The following HID1 variants were observed in gnomAD, a reference collection of about 807,000 sequenced individuals.
The protein encoded by HID1 is HID1 domain containing.
Under a neutral mutation model 89.7 loss-of-function variants are expected in HID1, and 42 were observed. The observed-to-expected ratio is 0.47, with a 90% CI of 0.37 to 0.61. The LOEUF (loss-of-function observed/expected upper bound fraction) is 0.61. Ranked by LOEUF, HID1 falls within the 20% of genes least tolerant of loss-of-function variation. The probability of loss-of-function intolerance (pLI) is 0.00; values close to 1 mark genes in which losing one functional copy is unlikely to be tolerated. For missense variants in HID1, 854 were observed against 1,039.3 expected (o/e 0.82, Z 2.45); for synonymous variants, 442 against 433.8 (o/e 1.02, Z -0.24).
chr17:74,956,209 A>C (rs1216361903), intron 12 of HID1, among the ~76,000 whole-genome samples: 1 of 151,690 alleles, frequency 6.6e-6, no homozygotes, highest in Non-Finnish European at 1.5e-5. Context: ...TACACATCCC[A>C]CCCATGCCAG....
Position 74,959,844 on chromosome 17 carries a change from C to A in HID1, c.1008+37G>T. 6.2e-7 allele frequency: 1 copy of A among 1,609,462 alleles called. No individual in the cohort carries two copies. The highest frequency in any genetic ancestry group is 8.5e-7 in the Non-Finnish European group (1 of 1,176,372). On this transcript the variant is annotated intron_variant, in intron 8 of 18. Coordinates refer to ENST00000425042, the MANE Select transcript of HID1 (RefSeq NM_030630.3). The surrounding 1 kb of genome is among the most constrained non-coding windows in gnomAD (Gnocchi z 4.6). ...ATATCCCTGTCTCACTTGCATCCCC[C>A]TGCACCCTGCAAAGCCACTGTGGGG...
rs1180789030 is a variant in HID1, at chr17:74,951,941, C to A, written c.2267G>T (p.Trp756Leu). 7.1e-6 allele frequency: 11 copies of A among 1,556,818 alleles called. No homozygotes were observed. Among genetic ancestry groups the A allele is most frequent in the Non-Finnish European group, 9.6e-6 (11 of 1,151,202 alleles). The change falls in exon 18 of 19, where the codon TGG becomes TTG. Residue 756 changes from tryptophan (W) to leucine (L), a missense_variant. Coordinates refer to ENST00000425042, the MANE Select transcript of HID1 (RefSeq NM_030630.3). ...GACGCCCCACATGTAGGTGCGGAAC[C>A]ACATGGCAGTGCCCGAGTTGGCCTG... ...KYQANSGTAM[W>L]FRTYMWGVIY...
At position 74,960,764 on chromosome 17, in the gene HID1, G is replaced by A. The variant is rs116254327; in HGVS notation, c.729-516C>T. Among the ~76,000 whole-genome samples the A allele has an allele frequency of 3.9e-3, 587 of 152,328 alleles. 4 individuals are homozygous for A. The highest frequency in any genetic ancestry group is 0.013 in the African/African-American group (549 of 41,572). ...CCTTCTCTTCTGGAGTAGGGTGGAA[G>A]GTTGAACAGAAGGCTAGGAAACCTG... On this transcript the variant is annotated intron_variant, in intron 6 of 18. Transcript: ENST00000425042.
Position 74,951,581 on chromosome 17 carries a change from G to A in HID1, c.2356C>T (p.Gln786Ter), listed in dbSNP as rs747486734. 1.2e-6 allele frequency: 2 copies of A among 1,612,060 alleles called. No individual in the cohort carries two copies. The highest frequency in any genetic ancestry group is 2.2e-5 in the South Asian group (2 of 90,396). ...CGTCGGCTTCATCCTCACACCCGCT[G>A]TATCTCAAACAGCTTCACGTCGGTG... The part of the protein sequence containing the change: ...YDTDVKLFEI[Q>*]RV The change falls in exon 19 of 19, where the codon CAG becomes TAG. Residue 786 changes from glutamine to a stop codon, truncating the protein, a stop_gained. Coordinates refer to ENST00000425042, the MANE Select transcript of HID1 (RefSeq NM_030630.3). LOFTEE classifies it high-confidence loss of function.
chr17:74,953,116 G>T, intron 15 of HID1, 30 bp from the exon 16 acceptor site: 2 of 1,536,758 alleles, frequency 1.3e-6, no homozygotes, highest in Non-Finnish European at 1.8e-6. Flanking sequence ...AGGGGTGAGG[G>T]ATGGTGGCGG....
chr17:74,957,448 G>T (rs1369391539), intron 12 of HID1, among the ~76,000 whole-genome samples: 1 of 151,938 alleles, frequency 6.6e-6, no homozygotes, highest in Non-Finnish European at 1.5e-5. Context: ...CTGCACTCTA[G>T]CCTGAGCAAC....
intron 1 of HID1, among the ~76,000 whole-genome samples, chr17:74,968,949 C>T (rs975475357): frequency 2.6e-5 from 4 of 152,214 alleles, no homozygotes; most frequent in African/African-American, 9.6e-5. Flanking sequence ...CAGATCTCAG[C>T]CTTGAACTTT....
intron 1 of HID1, among the ~76,000 whole-genome samples, chr17:74,971,080 G>T (rs73995706): frequency 0.019 from 2,888 of 152,306 alleles, 79 homozygotes; most frequent in African/African-American, 0.065. Context: ...TGGGGAAAAG[G>T]CCTGAGCAGG....
At position 74,958,929 on chromosome 17, in the gene HID1, C is replaced by A; in HGVS notation, c.1131G>T (p.Lys377Asn). The A allele has an allele frequency of 6.3e-7, 1 of 1,597,342 alleles. No individual in the cohort carries two copies. The highest frequency in any genetic ancestry group is 8.5e-7 in the Non-Finnish European group (1 of 1,173,852). ...GGCCCACCTTGTTGAAGTCGCAGAGCTTCCAGAAGAGAACTAGCAGCTCCT... is the reference window on the plus strand; with the variant it reads ...GGCCCACCTTGTTGAAGTCGCAGAGATTCCAGAAGAGAACTAGCAGCTCCT... ...FHQELLVLFWKLCDFNKKFLF... is the reference protein window; with the variant it reads ...FHQELLVLFWNLCDFNKKFLF... The change falls in exon 9 of 19, where the codon AAG becomes AAT. Residue 377 changes from lysine (K) to asparagine (N), a missense_variant. Coordinates refer to ENST00000425042, the MANE Select transcript of HID1 (RefSeq NM_030630.3). This position sits in a 1 kb window ranked among gnomAD's most constrained non-coding sequence, Gnocchi z 5.2.
intron 6 of HID1, 118 bp downstream of exon 6, chr17:74,961,755 A>G (rs565936216): frequency 2.1e-5 from 11 of 516,844 alleles, no homozygotes; most frequent in Admixed American, 1.4e-4. Flanking sequence ...GTTAAAGTTC[A>G]TCACCACCAG....
chr17:74,963,763 C>G lies in HID1; in HGVS notation c.364G>C (p.Val122Leu). 1 of 1,612,752 alleles carries G rather than the reference C, an allele frequency of 6.2e-7. No individual in the cohort carries two copies. The highest frequency in any genetic ancestry group is 8.5e-7 in the Non-Finnish European group (1 of 1,179,452). Residue 122 changes from valine to leucine, a missense_variant, in exon 3 of 19, where the codon GTG becomes CTG. Physicochemically the swap from Val to Leu is conservative, Grantham distance 32 (BLOSUM62 1). Transcript: ENST00000425042. The stretch of plus-strand genomic sequence containing the variant: ...ACCCCTCCTCGCCCTGCCCCGGGCA[C>G]TGTGGACCAGAAGAAGCCCCTCCAG... ...PDWRGFFWSTVPGAGRGGQGE... is the reference protein window; with the variant it reads ...PDWRGFFWSTLPGAGRGGQGE...
intron 17 of HID1, 60 bp downstream of exon 17, chr17:74,952,209 G>A (rs2039313235): frequency 3.2e-6 from 5 of 1,538,730 alleles, no homozygotes; most frequent in Non-Finnish European, 4.5e-6. Context: ...CCACACCACC[G>A]GCCCCGCCCA....
chr17:74,954,042 T>C, intron 14 of HID1, 96 bp downstream of exon 14: 1 of 1,191,476 alleles, frequency 8.4e-7, no homozygotes, highest in African/African-American at 1.5e-5. Context: ...ACATAAGCCA[T>C]GCTCTTTGCC....
At position 74,964,735 on chromosome 17, in the gene HID1, C is replaced by G. The variant is rs140769484; in HGVS notation, c.67-103G>C. The G allele has an allele frequency of 4.3e-3, 5,287 of 1,233,592 alleles. 23 individuals are homozygous for G. Among genetic ancestry groups the G allele is most frequent in the Non-Finnish European group, 5.1e-3 (4,599 of 894,130 alleles). 76.4% of individuals were successfully genotyped at this position (1,233,592 alleles called of 1,614,324 possible). On this transcript the variant is annotated intron_variant, in intron 1 of 18. Coordinates refer to ENST00000425042, the MANE Select transcript of HID1 (RefSeq NM_030630.3). ...GAGACCCTGAGAGGGAAGCCAGAGTCCCCCTACCTGCTGGGGTCCCAGAGC... is the reference window on the plus strand; with the variant it reads ...GAGACCCTGAGAGGGAAGCCAGAGTGCCCCTACCTGCTGGGGTCCCAGAGC...
intron 1 of HID1, among the ~76,000 whole-genome samples, chr17:74,968,413 T>C (rs2039594451): frequency 6.6e-6 from 1 of 151,216 alleles, no homozygotes; most frequent in African/African-American, 2.4e-5. Context: ...AAACTCAGAG[T>C]TGGGGTCGCA....
At position 74,960,185 on chromosome 17, in the gene HID1, G is replaced by A. The variant is rs144217591; in HGVS notation, c.792C>T (p.Tyr264=). The stretch of plus-strand genomic sequence containing the variant: ...AGAGCAGGTGGTTGTAGGGGATCCC[G>A]TAGCCCACAGGGTCATAGGCACACA... ...NTVCAYDPVG[Y]GIPYNHLLFS... is the part of the protein sequence containing the mutation. The change falls in exon 7 of 19, where the codon TAC becomes TAT. Residue 264 remains tyrosine, a synonymous_variant. Transcript: ENST00000425042. 4.1e-4 allele frequency: 660 copies of A among 1,613,790 alleles called. No homozygotes were observed. The highest frequency in any genetic ancestry group is 1.5e-3 in the African/African-American group (109 of 75,068).
At chr17:74,964,967 C>T (rs2144822902) in intron 1 of HID1, among the ~76,000 whole-genome samples, 1 of 152,344 alleles carries the variant, frequency 6.6e-6, no homozygotes, top group Admixed American at 6.5e-5. Context: ...TGGGCACAGC[C>T]CCAGGCCACA....
At chr17:74,961,688 T>A (rs1384807909) in intron 6 of HID1, 185 bp downstream of exon 6, 3 of 371,692 alleles carry the variant, frequency 8.1e-6, no homozygotes, top group Non-Finnish European at 1.5e-5. Context: ...GCCCCCAGAT[T>A]CTGTCCTGTC....
intron 12 of HID1, among the ~76,000 whole-genome samples, chr17:74,956,982 G>T (rs750297819): frequency 6.6e-6 from 1 of 152,232 alleles, no homozygotes; most frequent in Non-Finnish European, 1.5e-5. Flanking sequence ...TCAGCCACGT[G>T]TGGCCATTTC....
Sources: gnomAD v4.1 joint callset for allele counts (sites outside exome capture counted in the v4.1 genomes callset) on GRCh38, gnomAD v4.1.1 for gene constraint, Gnocchi (gnomAD v3.1) non-coding constraint, MANE v1.5 for transcripts, NCBI Gene and HGNC (gene_info 2026-07-23, HGNC 2026-07-21) for gene names.